The following VEPH1 variants were observed in gnomAD, a reference collection of about 807,000 sequenced individuals.
VEPH1 encodes the protein ventricular zone expressed PH domain containing 1.
Under a neutral mutation model 85.2 loss-of-function variants are expected in VEPH1, and 80 were observed. That is an observed-to-expected ratio of 0.94 (90% confidence interval 0.78 to 1.13). VEPH1 has a LOEUF of 1.13. VEPH1 is among the 50% of genes most tolerant of loss of function. The pLI, the probability that VEPH1 is intolerant of heterozygous loss-of-function variation, is 0.00. For missense variants in VEPH1, 955 were observed against 980.5 expected (o/e 0.97, Z 0.35); for synonymous variants, 297 against 348.0 (o/e 0.85, Z 1.63).
chr3:157,417,221 C>T (rs912425194), intron 5 of VEPH1, among the ~76,000 whole-genome samples: 2 of 152,094 alleles, frequency 1.3e-5, no homozygotes, highest in African/African-American at 4.8e-5. Flanking sequence ...ATTTTATTTT[C>T]CAAACATAGG....
At chr3:157,265,444 TA>T in intron 13 of VEPH1, 81 bp downstream of exon 13, 1 of 1,466,430 alleles carries the variant, frequency 6.8e-7, no homozygotes, top group Non-Finnish European at 9.2e-7. Context: ...TATTAGAGTT[TA>T]AACCCAAGAC....
chr3:157,312,898 ACAT>A (rs1559948017), intron 11 of VEPH1, among the ~76,000 whole-genome samples: 2 of 89,736 alleles, frequency 2.2e-5, no homozygotes, highest in Admixed American at 2.1e-4. Context: ...TTAAAAAAAA[ACAT>A]TTTTTTTTTT....
intron 4 of VEPH1, chr3:157,459,596 G>A (rs977250678): frequency 1.3e-5 from 16 of 1,189,262 alleles, no homozygotes; most frequent in Non-Finnish European, 1.7e-5. Flanking sequence ...TGAAACCAAA[G>A]AAAATAAAAG....
intron 4 of VEPH1, chr3:157,443,511 A>G (rs1254549607): frequency 6.5e-6 from 1 of 152,898 alleles, no homozygotes; most frequent in East Asian, 1.9e-4. Context: ...CATATAAGTT[A>G]TATTGCAAAA....
intron 10 of VEPH1, among the ~76,000 whole-genome samples, chr3:157,314,238 C>G (rs1720468027): frequency 7.0e-6 from 1 of 142,040 alleles, no homozygotes; most frequent in Non-Finnish European, 1.5e-5. Flanking sequence ...GAGGCTGAGG[C>G]AGGAGAATTG....
At chr3:157,328,412 A>C (rs1722159817) in intron 9 of VEPH1, among the ~76,000 whole-genome samples, 1 of 152,222 alleles carries the variant, frequency 6.6e-6, no homozygotes, top group Admixed American at 6.5e-5. Context: ...AAGAGACTGC[A>C]TAATGACCCT....
At chr3:157,460,801 T>C (rs57566161) in intron 3 of VEPH1, among the ~76,000 whole-genome samples, 22,222 of 151,294 alleles carry the variant, frequency 0.15, 2,044 homozygotes, top group African/African-American at 0.24. Context: ...CACTGGAGAG[T>C]TGTAAATAGC....
chr3:157,272,687 T>C (rs1362563086), intron 12 of VEPH1, among the ~76,000 whole-genome samples: 1 of 152,032 alleles, frequency 6.6e-6, no homozygotes, highest in African/African-American at 2.4e-5. Flanking sequence ...GTCCTCAAAC[T>C]CCTGGGCTCA....
Position 157,363,416 on chromosome 3 carries a change from A to G in VEPH1, c.1683T>C (p.Tyr561=). The part of the protein sequence containing the change: ...LKKNLSKVKA[Y]AMEIGKKIPV... Reference sequence around the variant, plus strand: ...GAATCTTCTTTCCAATTTCCATGGCATATGCTTTCACTTTGCTGAGGTTTT... The same window carrying G: ...GAATCTTCTTTCCAATTTCCATGGCGTATGCTTTCACTTTGCTGAGGTTTT... Residue 561 remains tyrosine, a synonymous_variant, in exon 9 of 14, where the codon TAT becomes TAC. Transcript: ENST00000362010. 1.2e-6 allele frequency: 2 copies of G among 1,612,826 alleles called. No individual in the cohort carries two copies. Among genetic ancestry groups the G allele is most frequent in the Non-Finnish European group, 1.7e-6 (2 of 1,179,734 alleles).
At chr3:157,399,478 CTCAGTCTTTT>C (rs1024142961) in intron 6 of VEPH1, among the ~76,000 whole-genome samples, 2 of 152,000 alleles carry the variant, frequency 1.3e-5, no homozygotes, top group African/African-American at 4.8e-5. Context: ...GTAATTATTC[CTCAGTCTTTT>C]TCAGTCTTTT....
chr3:157,371,493 C>T (rs954913956), intron 7 of VEPH1, among the ~76,000 whole-genome samples: 8 of 152,192 alleles, frequency 5.3e-5, no homozygotes, highest in Non-Finnish European at 1.0e-4. Context: ...AGTGAGATCC[C>T]TGGACCAGCG....
At chr3:157,466,908 G>T (rs1190527840) in intron 3 of VEPH1, among the ~76,000 whole-genome samples, 1 of 152,194 alleles carries the variant, frequency 6.6e-6, no homozygotes, top group East Asian at 1.9e-4. Flanking sequence ...TACCGATTTT[G>T]TATTGAGTTT....
At chr3:157,431,081 C>A (rs1733111404) in intron 4 of VEPH1, among the ~76,000 whole-genome samples, 1 of 152,108 alleles carries the variant, frequency 6.6e-6, no homozygotes, top group Admixed American at 6.6e-5. Context: ...GAGGTTGGAT[C>A]ATAAGGGTAG....
In VEPH1 at chr3:157,368,616, C is replaced by T. The variant is rs535550341; in HGVS notation, c.1128-4104G>A. ...ATGCCATTCTCCCACCTCAGCCCCC[C>T]GAGTAGCTGGGACTACAGGTGCCCG... On this transcript the variant is annotated intron_variant, in intron 7 of 13. Transcript: ENST00000362010. Among the ~76,000 whole-genome samples, 149 of 152,078 alleles carry T rather than the reference C, an allele frequency of 9.8e-4. 1 individual carries two copies. Among genetic ancestry groups the T allele is most frequent in the East Asian group, 1.6e-3 (8 of 5,150 alleles).
At chr3:157,332,852 T>C (rs1000593499) in intron 9 of VEPH1, among the ~76,000 whole-genome samples, 1 of 152,212 alleles carries the variant, frequency 6.6e-6, no homozygotes, top group South Asian at 2.1e-4. Flanking sequence ...ATTCTTACAA[T>C]GTCCAAACTT....
chr3:157,307,584 G>A (rs977731398), intron 11 of VEPH1, among the ~76,000 whole-genome samples: 4 of 151,610 alleles, frequency 2.6e-5, no homozygotes, highest in Non-Finnish European at 5.9e-5. Flanking sequence ...GACTGTTTCT[G>A]GGCTCTTTAT....
At position 157,286,676 on chromosome 3, in the gene VEPH1, T is replaced by C. The variant is rs758109434; in HGVS notation, c.2011-2A>G. The C allele has an allele frequency of 6.2e-7, 1 of 1,612,780 alleles. No homozygotes were observed. Among genetic ancestry groups the C allele is most frequent in the African/African-American group, 1.3e-5 (1 of 75,026 alleles). Reference sequence around the variant, plus strand: ...ATGGAGCTGTACCTGGTCCAGATCCTGTGTCAGGAACACAAAGCACAAAGA... The same window carrying C: ...ATGGAGCTGTACCTGGTCCAGATCCCGTGTCAGGAACACAAAGCACAAAGA... On this transcript the variant is annotated splice_acceptor_variant, in intron 11 of 13. Transcript: ENST00000362010. LOFTEE classifies it high-confidence loss of function.
At chr3:157,294,369 T>C (rs1568610) in intron 11 of VEPH1, among the ~76,000 whole-genome samples, 2 of 152,212 alleles carry the variant, frequency 1.3e-5, no homozygotes, top group African/African-American at 4.8e-5. Context: ...TCTTGAAAAA[T>C]ACGTAGCAAT....
At chr3:157,346,757 C>T (rs1724269983) in intron 9 of VEPH1, among the ~76,000 whole-genome samples, 1 of 152,020 alleles carries the variant, frequency 6.6e-6, no homozygotes, top group Admixed American at 6.6e-5. Flanking sequence ...TCAGCACGTG[C>T]CACCATGACT....
Sources: gnomAD v4.1 joint callset for allele counts (sites outside exome capture counted in the v4.1 genomes callset) on GRCh38, gnomAD v4.1.1 for gene constraint, MANE v1.5 for transcripts, NCBI Gene and HGNC (gene_info 2026-07-23, HGNC 2026-07-21) for gene names.